The following PPAT variants were observed in gnomAD, a reference collection of about 807,000 sequenced individuals.
PPAT encodes amidophosphoribosyltransferase.
PPAT carries 20 observed loss-of-function variants against 60.2 expected under a neutral mutation model. That is an observed-to-expected ratio of 0.33 (90% CI 0.23 to 0.48). PPAT has a LOEUF of 0.48. Ranked by LOEUF, PPAT falls within the 20% of genes least tolerant of loss-of-function variation. The pLI is 0.99. For missense variants in PPAT, 349 were observed against 629.6 expected, an observed-to-expected ratio of 0.55 and a Z score of 4.77; for synonymous variants, 194 against 215.1, an observed-to-expected ratio of 0.90 and a Z score of 0.86.
At chr4:56,419,179 A>T (rs2110055957) in intron 1 of PPAT, among the ~76,000 whole-genome samples, 1 of 152,356 alleles carries the variant, frequency 6.6e-6, no homozygotes, top group African/African-American at 2.4e-5. Context: ...TCGTAAGATA[A>T]AGAAAAAAGA....
intron 1 of PPAT, among the ~76,000 whole-genome samples, chr4:56,424,712 G>A (rs2110062745): frequency 6.6e-6 from 1 of 152,306 alleles, no homozygotes; most frequent in South Asian, 2.1e-4. Context: ...AAAGGACTCT[G>A]CCAAAAGAGA....
chr4:56,395,595 A>G, intron 10 of PPAT, 47 bp from the exon 11 acceptor site: 1 of 1,387,904 alleles, frequency 7.2e-7, no homozygotes, highest in African/African-American at 1.5e-5. Context: ...TTCCTTTAGA[A>G]AGGAAGAAAC....
At position 56,401,027 on chromosome 4, in the gene PPAT, T is replaced by C. The variant is rs536498396; in HGVS notation, c.887-116A>G. ...TGAGTATAAAAAGAAATGCAATATA[T>C]ACAAAAATATGAATGTGAAAATACA... On this transcript the variant is annotated intron_variant, in intron 7 of 10. Transcript: ENST00000264220. 7 of 1,081,980 alleles carry C rather than the reference T, an allele frequency of 6.5e-6. No homozygotes were observed. The Admixed American group carries it at 1.8e-4, about 28-fold the overall frequency. 67.0% of individuals were successfully genotyped at this position (1,081,980 alleles called of 1,614,324 possible).
rs1203182605 is a variant in PPAT at position 56,399,313 on chromosome 4, C to G, written c.1102G>C (p.Gly368Arg). The G allele has an allele frequency of 6.2e-7, 1 of 1,613,826 alleles. No individual in the cohort carries two copies. The highest frequency in any genetic ancestry group is 1.7e-5 in the Admixed American group (1 of 59,986). Residue 368 changes from glycine (G) to arginine (R), a missense_variant, in exon 9 of 11, where the codon GGT (glycine) becomes CGT (arginine). Gly to Arg is a moderately radical substitution (Grantham distance 125, BLOSUM62 -2). This residue lies in a region of PPAT where 167 missense variants were observed against 328.6 expected (regional missense o/e 0.51). Transcript: ENST00000264220. The part of the protein sequence containing the change: ...IQPNMRLRQL[G>R]VAKKFGVLSD... ...AATACTCCAAATTTTTTTGCAACAC[C>G]AAGTTGTCTTAACCTCATGTTTGGC...
intron 1 of PPAT, among the ~76,000 whole-genome samples, chr4:56,430,408 G>A (rs1314027507): frequency 1.3e-5 from 2 of 151,976 alleles, no homozygotes; most frequent in African/African-American, 4.8e-5. Flanking sequence ...AGAAGTCTAC[G>A]CTCCTGAACC....
chr4:56,411,367 C>G (rs537988722), intron 1 of PPAT, among the ~76,000 whole-genome samples: 2 of 152,296 alleles, frequency 1.3e-5, no homozygotes, highest in East Asian at 3.9e-4. Context: ...TTTAAAATAA[C>G]TGTTCTACAC....
At chr4:56,435,230 G>C in intron 1 of PPAT, 120 bp downstream of exon 1, 3 of 1,446,284 alleles carry the variant, frequency 2.1e-6, no homozygotes, top group Non-Finnish European at 2.8e-6. Flanking sequence ...GGCAGGTACT[G>C]GCTTAGGTCG....
At chr4:56,397,091 G>A (rs1282961175) in intron 9 of PPAT, among the ~76,000 whole-genome samples, 1 of 151,948 alleles carries the variant, frequency 6.6e-6, no homozygotes, top group South Asian at 2.1e-4. Context: ...GTTTTTGTCT[G>A]TTATTGTTTT....
At chr4:56,434,000 A>G (rs988579301) in intron 1 of PPAT, among the ~76,000 whole-genome samples, 3 of 152,184 alleles carry the variant, frequency 2.0e-5, no homozygotes, top group Admixed American at 2.0e-4. Context: ...ATAGTTTCTA[A>G]GAATGTTACA....
chr4:56,410,440 G>GA, intron 1 of PPAT: 1 of 813,132 alleles, frequency 1.2e-6, no homozygotes, highest in Non-Finnish European at 1.5e-6. Context: ...GGAGCTTATT[G>GA]ACAACCAGCC....
At chr4:56,424,222 A>G (rs1392110463) in intron 1 of PPAT, among the ~76,000 whole-genome samples, 1 of 152,218 alleles carries the variant, frequency 6.6e-6, no homozygotes, top group Non-Finnish European at 1.5e-5. Context: ...GCTTTTCTTT[A>G]CTTCAAATGA....
intron 1 of PPAT, among the ~76,000 whole-genome samples, chr4:56,408,610 C>T (rs1257164564): frequency 1.3e-5 from 2 of 150,266 alleles, no homozygotes; most frequent in Non-Finnish European, 1.5e-5. Flanking sequence ...AAAAATGAGC[C>T]GGGCGTGGTG....
chr4:56,401,609 C>A, intron 6 of PPAT, 128 bp from the exon 7 acceptor site: 1 of 848,440 alleles, frequency 1.2e-6, no homozygotes, highest in Non-Finnish European at 1.8e-6. Context: ...AATATAAAAT[C>A]TAGAAGTGAC....
Position 56,410,940 on chromosome 4 carries a change from T to C in PPAT, c.129-3224A>G, listed in dbSNP as rs1716434021. On this transcript the variant is annotated intron_variant, in intron 1 of 10. Coordinates refer to ENST00000264220, the MANE Select transcript of PPAT (RefSeq NM_002703.5). Reference sequence around the variant, plus strand: ...AAAAAAAAAAAAAAGAAAAGTACTCTTGTTTTTCTTTTGTTTTACAGTTTT... The same window carrying C: ...AAAAAAAAAAAAAAGAAAAGTACTCCTGTTTTTCTTTTGTTTTACAGTTTT... 3.1e-6 allele frequency: 3 copies of C among 972,622 alleles called. No homozygotes were observed. In the African/African-American group the frequency reaches 5.3e-5, roughly 17 times the overall value. 60.2% of individuals were successfully genotyped at this position (972,622 alleles called of 1,614,324 possible).
chr4:56,428,923 CTG>C, intron 1 of PPAT: 1 of 861,956 alleles, frequency 1.2e-6, no homozygotes, highest in Non-Finnish European at 1.4e-6. Flanking sequence ...GATTCTTTTC[CTG>C]TGTTTTTATT....
chr4:56,408,028 A>C (rs1462930108), intron 1 of PPAT: 1 of 257,936 alleles, frequency 3.9e-6, no homozygotes, highest in African/African-American at 2.2e-5. Context: ...TTAGGCCTTG[A>C]GAGAGATATG....
At chr4:56,417,842 G>GTTTTTTT (rs35004501) in intron 1 of PPAT, among the ~76,000 whole-genome samples, 4 of 136,164 alleles carry the variant, frequency 2.9e-5, no homozygotes, top group African/African-American at 8.2e-5. Context: ...TTGGTTTTTT[G>GTTTTTTT]TTTTTTTTTT....
chr4:56,433,702 T>G (rs1351660313), intron 1 of PPAT, among the ~76,000 whole-genome samples: 1 of 143,696 alleles, frequency 7.0e-6, no homozygotes, highest in African/African-American at 2.6e-5. Flanking sequence ...AACAACTGTT[T>G]TTTTTTTTTT....
intron 3 of PPAT, among the ~76,000 whole-genome samples, chr4:56,406,037 G>C (rs555371936): frequency 6.6e-6 from 1 of 152,234 alleles, no homozygotes; most frequent in Non-Finnish European, 1.5e-5. Flanking sequence ...TTGAATTATA[G>C]GATACCCATT....
Sources: gnomAD v4.1 joint callset for allele counts (sites outside exome capture counted in the v4.1 genomes callset) on GRCh38, gnomAD v4.1.1 for gene constraint, gnomAD v4.1.1 regional missense constraint, MANE v1.5 for transcripts, NCBI Gene and HGNC (gene_info 2026-07-23, HGNC 2026-07-21) for gene names.